Variants in RIMS2 observed in about 807,000 individuals in gnomAD.
RIMS2 encodes regulating synaptic membrane exocytosis protein 2.
Under a neutral mutation model 174.4 loss-of-function variants are expected in RIMS2, and 59 were observed. The ratio of observed to expected loss-of-function variants is 0.34; its 90% confidence interval spans 0.27 to 0.42. RIMS2 has a LOEUF of 0.42. Among genes scored for constraint, RIMS2 ranks in the 10% least tolerant of loss-of-function variants. The pLI is 1.00. For synonymous variants in RIMS2, 606 were observed against 572.5 expected, an observed-to-expected ratio of 1.06 and a Z score of -0.84; for missense variants, 1,620 against 1,666.3, an observed-to-expected ratio of 0.97 and a Z score of 0.48.
intron 2 of RIMS2, among the ~76,000 whole-genome samples, chr8:103,721,800 A>G (rs889154668): frequency 6.6e-6 from 1 of 152,194 alleles, no homozygotes; most frequent in Non-Finnish European, 1.5e-5. Context: ...AGAGTTTATG[A>G]GCTCTTAAAG....
intron 19 of RIMS2, among the ~76,000 whole-genome samples, chr8:104,173,912 T>C (rs4345530): frequency 0.44 from 64,693 of 145,726 alleles, 14,433 homozygotes; most frequent in East Asian, 0.64. Context: ...TAATGGGTAA[T>C]GTTAAAGGAT....
chr8:104,046,463 G>A (rs939975056), intron 19 of RIMS2, among the ~76,000 whole-genome samples: 10 of 152,032 alleles, frequency 6.6e-5, no homozygotes, highest in African/African-American at 2.4e-4. Flanking sequence ...TGGCATATAT[G>A]ACATATTTTG....
intron 1 of RIMS2, among the ~76,000 whole-genome samples, chr8:103,694,705 T>C (rs551647002): frequency 7.1e-4 from 108 of 152,222 alleles, no homozygotes; most frequent in Non-Finnish European, 1.3e-3. Context: ...CTGGAGCCTA[T>C]ATCCACAGAG....
chr8:104,164,157 A>G (rs940289941), intron 19 of RIMS2, among the ~76,000 whole-genome samples: 3 of 146,268 alleles, frequency 2.1e-5, no homozygotes, highest in African/African-American at 7.7e-5. Flanking sequence ...TCCTCTTCCT[A>G]CTGCCAGCAG....
intron 1 of RIMS2, among the ~76,000 whole-genome samples, chr8:103,680,721 G>A (rs1200398273): frequency 6.6e-6 from 1 of 151,916 alleles, no homozygotes; most frequent in Non-Finnish European, 1.5e-5. Flanking sequence ...TTCATCGGAA[G>A]GGCAGTCAAA....
chr8:104,034,462 CTTTTTTTTT>C (rs200907072), intron 19 of RIMS2, among the ~76,000 whole-genome samples: 8 of 118,346 alleles, frequency 6.8e-5, no homozygotes, highest in African/African-American at 8.9e-5. Flanking sequence ...CTTGCAGTAT[CTTTTTTTTT>C]TTTTTTTTTT....
At chr8:104,060,191 A>G (rs1407021649) in intron 19 of RIMS2, among the ~76,000 whole-genome samples, 1 of 151,606 alleles carries the variant, frequency 6.6e-6, no homozygotes, top group Non-Finnish European at 1.5e-5. Flanking sequence ...CTGTGAATCC[A>G]TCTGGTCCTG....
At chr8:103,584,976 G>A (rs1457446893) in intron 1 of RIMS2, among the ~76,000 whole-genome samples, 1 of 152,084 alleles carries the variant, frequency 6.6e-6, no homozygotes, top group East Asian at 1.9e-4. Context: ...TTTATCTGTT[G>A]CCTAAAAGAA....
chr8:104,232,203 G>A (rs28483456), intron 19 of RIMS2, among the ~76,000 whole-genome samples: 4 of 152,102 alleles, frequency 2.6e-5, no homozygotes, highest in Admixed American at 6.5e-5. Flanking sequence ...GTACCTGGTC[G>A]GTTTCTATGT....
intron 3 of RIMS2, among the ~76,000 whole-genome samples, chr8:103,774,745 A>T (rs2098294167): frequency 6.6e-6 from 1 of 152,188 alleles, no homozygotes; most frequent in African/African-American, 2.4e-5. Context: ...TAGAAAAGAA[A>T]TCATAACAAT....
At chr8:103,619,710 A>T (rs1486120356) in intron 1 of RIMS2, among the ~76,000 whole-genome samples, 1 of 152,108 alleles carries the variant, frequency 6.6e-6, no homozygotes, top group Non-Finnish European at 1.5e-5. Context: ...CAGAACAAAG[A>T]CCAACCATTT....
intron 5 of RIMS2, 137 bp downstream of exon 8, chr8:103,910,666 G>C: frequency 2.0e-6 from 1 of 510,556 alleles, no homozygotes. Context: ...GTGCAGAAAA[G>C]AAAAACAAAA....
intron 19 of RIMS2, among the ~76,000 whole-genome samples, chr8:104,157,398 C>G: frequency 6.6e-6 from 1 of 152,142 alleles, no homozygotes; most frequent in East Asian, 1.9e-4. Context: ...GTAAAATACA[C>G]GTGACATAAA....
chr8:103,734,719 C>G, intron 2 of RIMS2, among the ~76,000 whole-genome samples: 2 of 152,022 alleles, frequency 1.3e-5, no homozygotes, highest in East Asian at 3.9e-4. Context: ...CAAAGTCTAG[C>G]ATGTCTGAAG....
At chr8:104,087,553 A>G (rs188772935) in intron 19 of RIMS2, among the ~76,000 whole-genome samples, 29 of 152,210 alleles carry the variant, frequency 1.9e-4, no homozygotes, top group African/African-American at 6.7e-4. Context: ...GCCTTAGAAG[A>G]TGACTAGACC....
intron 15 of RIMS2, among the ~76,000 whole-genome samples, chr8:103,966,721 G>A (rs1025042227): frequency 3.3e-5 from 5 of 151,698 alleles, no homozygotes; most frequent in African/African-American, 4.8e-5. Context: ...CTGATTTTAG[G>A]TATTGCTTTT....
chr8:104,009,390 C>T (rs1425270096), intron 17 of RIMS2, among the ~76,000 whole-genome samples: 2 of 151,810 alleles, frequency 1.3e-5, no homozygotes, highest in African/African-American at 2.4e-5. Flanking sequence ...ACCTCCTGAG[C>T]TCAAGCAATC....
chr8:103,774,080 T>G (rs907451071), intron 3 of RIMS2, among the ~76,000 whole-genome samples: 1 of 152,118 alleles, frequency 6.6e-6, no homozygotes, highest in East Asian at 1.9e-4. Context: ...AGGCAGATGT[T>G]GCAGTGAGCT....
intron 1 of RIMS2, among the ~76,000 whole-genome samples, chr8:103,553,588 A>C (rs1228461740): frequency 6.6e-6 from 1 of 152,104 alleles, no homozygotes; most frequent in African/African-American, 2.4e-5. Flanking sequence ...TTAGAACTTA[A>C]AGTATAATAA....
Sources: allele counts gnomAD v4.1 joint callset (sites outside exome capture counted in the v4.1 genomes callset), GRCh38; gene constraint gnomAD v4.1.1; transcripts MANE v1.5; gene names NCBI Gene and HGNC (gene_info 2026-07-23, HGNC 2026-07-21).